The following GALM variants were observed in gnomAD, a reference collection of about 807,000 sequenced individuals.
GALM encodes aldose 1-epimerase.
Under a neutral mutation model 37.4 loss-of-function variants are expected in GALM, and 43 were observed. The ratio of observed to expected loss-of-function variants is 1.15; its 90% CI spans 0.90 to 1.48. The LOEUF (loss-of-function observed/expected upper bound fraction) is 1.48. GALM is among the 40% of genes most tolerant of loss of function. GALM has a pLI of 0.00. For synonymous variants in GALM, 199 were observed against 170.6 expected, an observed-to-expected ratio of 1.17 and a Z score of -1.30; for missense variants, 456 against 419.1, an observed-to-expected ratio of 1.09 and a Z score of -0.77.
rs1665236664 is a variant in GALM at position 38,675,546 on chromosome 2, TGTGTGTGTGTGTGTG to T, written c.191-365_191-351del. 6.4e-3 allele frequency among the ~76,000 whole-genome samples: 433 copies of T among 67,796 alleles called. 18 individuals are homozygous for T. Among genetic ancestry groups the T allele is most frequent in the African/African-American group, 0.031 (398 of 12,968 alleles). The allele number at this position is 67,796 out of a possible 152,430, so 44.5% of individuals were successfully genotyped here. Reference sequence around the variant, plus strand: ...TTTTTGTTTTTTTTTTTTTTTTTTGTGTGTGTGTGTGTGTGTGTGTGTGTGTGTGTGTGTGTGTGT... The same window carrying T: ...TTTTTGTTTTTTTTTTTTTTTTTTGTTGTGTGTGTGTGTGTGTGTGTGTGT... On this transcript the variant is annotated intron_variant, in intron 1 of 6. Coordinates refer to ENST00000272252, the MANE Select transcript of GALM (RefSeq NM_138801.3).
intron 4 of GALM, among the ~76,000 whole-genome samples, chr2:38,693,191 T>A (rs10206629): frequency 2.0e-5 from 3 of 152,106 alleles, no homozygotes; most frequent in Non-Finnish European, 2.9e-5. Flanking sequence ...TACAAGAACC[T>A]GTTAGACCAG....
chr2:38,709,011 GTGGGATGACCTGAAGT>G (rs1250347953), intron 4 of GALM, among the ~76,000 whole-genome samples: 7 of 152,200 alleles, frequency 4.6e-5, no homozygotes, highest in Non-Finnish European at 8.8e-5. Flanking sequence ...AAGGCAAATG[GTGGGATGACCTGAAGT>G]TGGGGTTTTA....
At chr2:38,733,176 G>A (rs1403309452) in intron 6 of GALM, among the ~76,000 whole-genome samples, 12 of 139,112 alleles carry the variant, frequency 8.6e-5, no homozygotes, top group African/African-American at 1.7e-4. Flanking sequence ...AGCTGAGATC[G>A]CCCCACTGCA....
chr2:38,703,745 G>C (rs1390986170), intron 4 of GALM, among the ~76,000 whole-genome samples: 1 of 152,080 alleles, frequency 6.6e-6, no homozygotes, highest in Non-Finnish European at 1.5e-5. Flanking sequence ...GGGCGTGGTG[G>C]CTCACGCTTG....
chr2:38,669,884 A>C (rs949584672), intron 1 of GALM, among the ~76,000 whole-genome samples: 9 of 149,134 alleles, frequency 6.0e-5, no homozygotes, highest in African/African-American at 2.3e-4. Context: ...AAGAAGAAAA[A>C]AAAAGTTTTT....
chr2:38,724,352 G>GA (rs906556506), intron 4 of GALM, among the ~76,000 whole-genome samples: 2 of 151,942 alleles, frequency 1.3e-5, no homozygotes, highest in African/African-American at 4.8e-5. Context: ...TGAGAACAAA[G>GA]AAAAAAAAGA....
chr2:38,714,980 CT>C, intron 4 of GALM, among the ~76,000 whole-genome samples: 1 of 152,062 alleles, frequency 6.6e-6, no homozygotes, highest in Non-Finnish European at 1.5e-5. Flanking sequence ...GTACTGGGGC[CT>C]ATAGTTGGAT....
At chr2:38,670,860 ATTG>A (rs1665082317) in intron 1 of GALM, among the ~76,000 whole-genome samples, 2 of 152,318 alleles carry the variant, frequency 1.3e-5, no homozygotes, top group Admixed American at 6.5e-5. Flanking sequence ...TATTAATTAA[ATTG>A]TTTTCTTCAT....
intron 4 of GALM, chr2:38,698,524 AAAG>A: frequency 1.5e-6 from 1 of 653,912 alleles, no homozygotes; most frequent in Non-Finnish European, 2.2e-6. Context: ...AAAAAAAAAA[AAAG>A]GAAAAAAATG....
intron 1 of GALM, 103 bp downstream of exon 1, chr2:38,666,454 G>C: frequency 1.1e-6 from 1 of 907,180 alleles, no homozygotes; most frequent in South Asian, 1.7e-5. Context: ...AAGGGGGAAA[G>C]TCGCCTAGCT....
At chr2:38,700,864 C>A (rs531872549) in intron 4 of GALM, among the ~76,000 whole-genome samples, 5 of 152,152 alleles carry the variant, frequency 3.3e-5, no homozygotes, top group African/African-American at 9.6e-5. Flanking sequence ...AAATTTGATT[C>A]TTTTCTCTTT....
intron 4 of GALM, among the ~76,000 whole-genome samples, chr2:38,711,800 C>CTAT (rs1243312307): frequency 6.5e-5 from 7 of 107,326 alleles, no homozygotes; most frequent in Non-Finnish European, 8.0e-5. Flanking sequence ...ATCACCATCA[C>CTAT]CATCACCATC....
chr2:38,669,240 C>G (rs527360226), intron 1 of GALM: 45 of 152,332 alleles, frequency 3.0e-4, no homozygotes, highest in African/African-American at 1.1e-3. Flanking sequence ...AGTTAAAGAT[C>G]GACCCCTGAC....
At chr2:38,720,136 C>CA (rs1417636524) in intron 4 of GALM, among the ~76,000 whole-genome samples, 1 of 151,980 alleles carries the variant, frequency 6.6e-6, no homozygotes, top group Admixed American at 6.6e-5. Context: ...CACCTGAGCC[C>CA]AGGGAGGTCA....
intron 4 of GALM, among the ~76,000 whole-genome samples, chr2:38,723,275 A>G (rs774728150): frequency 3.9e-5 from 6 of 152,174 alleles, no homozygotes; most frequent in Non-Finnish European, 5.9e-5. Context: ...GTTAGGGTAC[A>G]TAGCACCTGC....
At chr2:38,675,538 T>TG (rs1195702569) in intron 1 of GALM, among the ~76,000 whole-genome samples, 174 of 92,452 alleles carry the variant, frequency 1.9e-3, no homozygotes, top group African/African-American at 5.2e-3. Context: ...TTTTTTTTTT[T>TG]TTTTTTGTGT....
At chr2:38,669,178 G>C (rs1009733945) in intron 1 of GALM, 3 of 152,194 alleles carry the variant, frequency 2.0e-5, no homozygotes, top group Non-Finnish European at 4.4e-5. Flanking sequence ...AAACTAAAAG[G>C]CAGAAACGAA....
At chr2:38,713,896 C>A (rs540503109) in intron 4 of GALM, among the ~76,000 whole-genome samples, 1 of 94,432 alleles carries the variant, frequency 1.1e-5, no homozygotes, top group African/African-American at 4.1e-5. Flanking sequence ...CAGAGCAAGA[C>A]CCTGCTTCAA....
rs1665236621 is a variant in GALM at position 38,675,546 on chromosome 2, TGTGTGTGTGTGTG to T, written c.191-365_191-353del. Among the ~76,000 whole-genome samples the T allele has an allele frequency of 1.9e-4, 13 of 67,856 alleles. No individual in the cohort carries two copies. The East Asian group carries it at 3.2e-3, about 17-fold the overall frequency. 44.5% of individuals were successfully genotyped at this position (67,856 alleles called of 152,430 possible). A position where few individuals can be genotyped will look rare whatever the true frequency, so the allele number is the denominator to read the frequency against. On this transcript the variant is annotated intron_variant, in intron 1 of 6. Transcript: ENST00000272252. Reference sequence around the variant, plus strand: ...TTTTTGTTTTTTTTTTTTTTTTTTGTGTGTGTGTGTGTGTGTGTGTGTGTGTGTGTGTGTGTGT... The same window carrying T: ...TTTTTGTTTTTTTTTTTTTTTTTTGTTGTGTGTGTGTGTGTGTGTGTGTGT...
Sources: allele counts gnomAD v4.1 joint callset (sites outside exome capture counted in the v4.1 genomes callset), GRCh38; gene constraint gnomAD v4.1.1; transcripts MANE v1.5; gene names NCBI Gene and HGNC (gene_info 2026-07-23, HGNC 2026-07-21).